DNM3: variants seen among roughly 807,000 people sequenced by gnomAD.
DNM3 encodes dynamin-3.
A neutral mutation model predicts 101.6 loss-of-function variants in DNM3; 47 were observed. That is an observed-to-expected ratio of 0.46 (90% confidence interval 0.37 to 0.59). DNM3 has a LOEUF of 0.59. Among genes scored for constraint, DNM3 ranks in the 20% least tolerant of loss-of-function variants. The probability of loss-of-function intolerance (pLI) is 0.00; values close to 1 mark genes in which losing one functional copy is unlikely to be tolerated. For missense variants in DNM3, 849 were observed against 1,085.7 expected, an observed-to-expected ratio of 0.78 and a Z score of 3.06; for synonymous variants, 385 against 387.9, an observed-to-expected ratio of 0.99 and a Z score of 0.09.
intron 14 of DNM3, among the ~76,000 whole-genome samples, chr1:172,151,731 A>G (rs1345450449): frequency 1.3e-5 from 2 of 152,118 alleles, no homozygotes; most frequent in South Asian, 2.1e-4. Flanking sequence ...TGTGTCAACT[A>G]CTAGGGCAGG....
chr1:171,911,518 G>C (rs540912427), intron 1 of DNM3, among the ~76,000 whole-genome samples: 3 of 152,182 alleles, frequency 2.0e-5, no homozygotes, highest in South Asian at 2.1e-4. Flanking sequence ...CCCAACCTCA[G>C]GTGATCCGCC....
At chr1:172,012,279 G>A (rs954700283) in intron 4 of DNM3, among the ~76,000 whole-genome samples, 2 of 152,032 alleles carry the variant, frequency 1.3e-5, no homozygotes, top group African/African-American at 4.8e-5. Flanking sequence ...ATTCAGCAAA[G>A]GGAAGGCAAA....
At chr1:172,124,745 C>T (rs1041891393) in intron 13 of DNM3, among the ~76,000 whole-genome samples, 7 of 152,154 alleles carry the variant, frequency 4.6e-5, no homozygotes, top group Non-Finnish European at 7.4e-5. Context: ...CTAACCCTTC[C>T]TTCCTAGGCC....
chr1:172,018,237 T>C (rs2047585332), intron 4 of DNM3, among the ~76,000 whole-genome samples: 1 of 152,200 alleles, frequency 6.6e-6, no homozygotes, highest in Non-Finnish European at 1.5e-5. Context: ...CTATTATATT[T>C]GTTACTACTT....
At chr1:172,337,890 T>A (rs1001085137) in intron 17 of DNM3, among the ~76,000 whole-genome samples, 38 of 139,040 alleles carry the variant, frequency 2.7e-4, no homozygotes, top group African/African-American at 9.9e-4. Flanking sequence ...TATTTTATTT[T>A]ATTTTATTTT....
intron 13 of DNM3, among the ~76,000 whole-genome samples, chr1:172,124,183 G>GC (rs996288789): frequency 1.3e-5 from 2 of 152,146 alleles, no homozygotes; most frequent in African/African-American, 2.4e-5. Flanking sequence ...AATTTTGTGA[G>GC]CCCCCTCCTC....
chr1:172,386,229 C>T (rs996594397), intron 18 of DNM3, among the ~76,000 whole-genome samples: 1 of 147,782 alleles, frequency 6.8e-6, no homozygotes, highest in Non-Finnish European at 1.5e-5. Context: ...GGCATCTTGA[C>T]ATCCTGTCAA....
chr1:171,931,394 G>A (rs753286114), intron 2 of DNM3, among the ~76,000 whole-genome samples: 4 of 152,098 alleles, frequency 2.6e-5, no homozygotes, highest in Middle Eastern at 3.2e-3. Flanking sequence ...TAAATTATTT[G>A]TAACACTGTT....
intron 2 of DNM3, among the ~76,000 whole-genome samples, chr1:171,943,240 T>C (rs181139306): frequency 6.6e-6 from 1 of 152,326 alleles, no homozygotes; most frequent in Non-Finnish European, 1.5e-5. Context: ...AGGAAATTCT[T>C]GTTTTTGTCA....
intron 4 of DNM3, among the ~76,000 whole-genome samples, chr1:172,017,754 C>T (rs893552804): frequency 4.2e-4 from 64 of 152,186 alleles, no homozygotes; most frequent in African/African-American, 1.5e-3. Flanking sequence ...TCCTTCCTTA[C>T]GGATTTTCTG....
At chr1:172,120,930 T>A (rs2056274835) in intron 13 of DNM3, among the ~76,000 whole-genome samples, 1 of 152,242 alleles carries the variant, frequency 6.6e-6, no homozygotes, top group South Asian at 2.1e-4. Flanking sequence ...AGGTGCTCAC[T>A]AACTTTCTAT....
rs1573567034 is a variant in DNM3, at chr1:172,351,107, T to A, written c.1893+27767T>A. On this transcript the variant is annotated intron_variant, in intron 17 of 20. Coordinates refer to ENST00000627582, the MANE Select transcript of DNM3 (RefSeq NM_015569.5). The stretch of plus-strand genomic sequence containing the variant: ...GTAGTTCTCCTGACTCATATTTTAG[T>A]ATCTTAGGAAGGAAAATTTAGTGCC... Among the ~76,000 whole-genome samples the A allele has an allele frequency of 2.0e-5, 3 of 152,294 alleles. No homozygotes were observed. In the South Asian group the frequency reaches 6.2e-4, roughly 32 times the overall value.
At chr1:172,008,944 T>C (rs990663610) in intron 4 of DNM3, among the ~76,000 whole-genome samples, 76 of 138,264 alleles carry the variant, frequency 5.5e-4, no homozygotes, top group African/African-American at 1.9e-3. Flanking sequence ...TATTAATAAA[T>C]ATATTATATT....
At chr1:171,988,223 C>T (rs1051826538) in intron 3 of DNM3, among the ~76,000 whole-genome samples, 2 of 152,064 alleles carry the variant, frequency 1.3e-5, no homozygotes, top group African/African-American at 4.8e-5. Flanking sequence ...CCCAGACTAT[C>T]GGTAGAAACT....
intron 14 of DNM3, among the ~76,000 whole-genome samples, chr1:172,231,665 G>A (rs536061480): frequency 1.7e-4 from 26 of 152,218 alleles, no homozygotes; most frequent in South Asian, 2.1e-4. Context: ...GAGGAAGTTC[G>A]AACCCATGGC....
At chr1:172,126,809 T>A (rs146919524) in intron 13 of DNM3, among the ~76,000 whole-genome samples, 303 of 152,198 alleles carry the variant, frequency 2.0e-3, no homozygotes, top group African/African-American at 7.1e-3. Context: ...TTTCTCTGCT[T>A]GACCTAGATT....
intron 1 of DNM3, among the ~76,000 whole-genome samples, chr1:171,876,875 A>T (rs1433483592): frequency 2.0e-5 from 3 of 152,214 alleles, no homozygotes; most frequent in Non-Finnish European, 4.4e-5. Context: ...ATTCTTTTCA[A>T]AGACTTCATT....
chr1:172,246,444 G>C (rs774417381), intron 14 of DNM3, among the ~76,000 whole-genome samples: 2 of 152,054 alleles, frequency 1.3e-5, no homozygotes, highest in Non-Finnish European at 2.9e-5. Flanking sequence ...GAAAAGACAA[G>C]AAGGCTGGAA....
intron 14 of DNM3, among the ~76,000 whole-genome samples, chr1:172,153,524 C>G (rs1293376461): frequency 6.6e-6 from 1 of 152,072 alleles, no homozygotes; most frequent in African/African-American, 2.4e-5. Flanking sequence ...TTAGTTTTTG[C>G]CCTTCTTCCT....
Sources: allele counts gnomAD v4.1 joint callset (sites outside exome capture counted in the v4.1 genomes callset), GRCh38; gene constraint gnomAD v4.1.1; transcripts MANE v1.5; gene names NCBI Gene and HGNC (gene_info 2026-07-23, HGNC 2026-07-21).